NT5DC1: variants seen among roughly 807,000 people sequenced by gnomAD.
NT5DC1 encodes 5'-nucleotidase domain-containing protein 1.
NT5DC1 carries 42 observed loss-of-function variants against 59.4 expected under a neutral mutation model. The observed-to-expected ratio is 0.71, with a 90% CI of 0.55 to 0.92. The LOEUF (loss-of-function observed/expected upper bound fraction) is 0.92, where lower values mean the gene tolerates loss of function less well. NT5DC1 is among the 40% of genes least tolerant of loss of function. The probability of loss-of-function intolerance (pLI) is 0.00; values close to 1 mark genes in which losing one functional copy is unlikely to be tolerated. For missense variants in NT5DC1, 501 were observed against 537.1 expected (o/e 0.93, Z 0.66); for synonymous variants, 172 against 188.1 (o/e 0.91, Z 0.70).
intron 6 of NT5DC1, among the ~76,000 whole-genome samples, chr6:116,124,602 TA>T (rs2114304879): frequency 6.6e-6 from 1 of 152,288 alleles, no homozygotes; most frequent in Admixed American, 6.5e-5. Flanking sequence ...TAGCAACACT[TA>T]AAGCACTTTA....
intron 8 of NT5DC1, among the ~76,000 whole-genome samples, chr6:116,234,964 T>C (rs886500867): frequency 2.6e-4 from 39 of 151,618 alleles, no homozygotes; most frequent in African/African-American, 9.2e-4. Flanking sequence ...CAGCCTCCAG[T>C]ATAGGGGCTG....
At chr6:116,189,183 T>G (rs928409222) in intron 6 of NT5DC1, among the ~76,000 whole-genome samples, 1 of 151,824 alleles carries the variant, frequency 6.6e-6, no homozygotes, top group African/African-American at 2.4e-5. Context: ...TGACCACTCT[T>G]GAGAAATTTA....
intron 8 of NT5DC1, among the ~76,000 whole-genome samples, chr6:116,228,283 C>T (rs1005378472): frequency 6.6e-6 from 1 of 152,114 alleles, no homozygotes; most frequent in Non-Finnish European, 1.5e-5. Context: ...CTGAGGCGGA[C>T]GAATCACCTG....
intron 6 of NT5DC1, among the ~76,000 whole-genome samples, chr6:116,156,388 G>C (rs994134536): frequency 6.6e-6 from 1 of 152,122 alleles, no homozygotes. Context: ...TTAATACTAT[G>C]TAGGCACTTT....
chr6:116,137,055 AT>A (rs1779625701), intron 6 of NT5DC1: 2 of 203,460 alleles, frequency 9.8e-6, no homozygotes. Context: ...CAGTGACTTC[AT>A]TTTAAGTCAC....
At chr6:116,175,341 A>G (rs936915808) in intron 6 of NT5DC1, among the ~76,000 whole-genome samples, 2 of 152,138 alleles carry the variant, frequency 1.3e-5, no homozygotes, top group Non-Finnish European at 2.9e-5. Flanking sequence ...CTCTCTAGCT[A>G]CCTTCATGAT....
In NT5DC1 at chr6:116,187,812, T is replaced by C. The variant is rs75724146; in HGVS notation, c.530-33242T>C. 8.6e-3 allele frequency among the ~76,000 whole-genome samples: 1,311 copies of C among 152,170 alleles called. 16 individuals carry two copies. Among genetic ancestry groups the C allele is most frequent in the African/African-American group, 0.029 (1,204 of 41,540 alleles). On this transcript the variant is annotated intron_variant, in intron 6 of 11. Transcript: ENST00000319550. ...TAGCTTAAAGATAATGAAATATTTC[T>C]TAAATAGGATAGAAACAGTATTGAT... is the stretch of plus-strand genomic sequence containing the variant.
Position 116,221,229 on chromosome 6 carries a change from G to A in NT5DC1, c.704+1G>A, listed in dbSNP as rs1215890344. On this transcript the variant is annotated splice_donor_variant, in intron 7 of 11. Coordinates refer to ENST00000319550, the MANE Select transcript of NT5DC1 (RefSeq NM_152729.3). LOFTEE classifies it high-confidence loss of function. ...GACTTCTCTGCGAATATATTCTTGG[G>A]TGAGTGATGAGTCATTCAGTTTTCA... The A allele has an allele frequency of 1.9e-6, 3 of 1,557,370 alleles. No homozygotes were observed. The highest frequency in any genetic ancestry group is 1.1e-5 in the South Asian group (1 of 88,804).
chr6:116,187,422 A>G (rs1338018040), intron 6 of NT5DC1, among the ~76,000 whole-genome samples: 1 of 152,128 alleles, frequency 6.6e-6, no homozygotes, highest in Non-Finnish European at 1.5e-5. Flanking sequence ...CATGAAGAAC[A>G]GGGCAAGAGG....
At chr6:116,121,638 G>C in intron 6 of NT5DC1, 2 of 1,613,896 alleles carry the variant, frequency 1.2e-6, no homozygotes, top group South Asian at 2.2e-5. Context: ...GGTCCCTGTT[G>C]TCCAGGTTTT....
intron 6 of NT5DC1, among the ~76,000 whole-genome samples, chr6:116,122,682 C>T (rs1391266008): frequency 1.3e-5 from 2 of 152,082 alleles, no homozygotes; most frequent in African/African-American, 2.4e-5. Context: ...GTGAAAAATG[C>T]GGCTGGGCCA....
chr6:116,183,435 G>A (rs1331486986), intron 6 of NT5DC1, among the ~76,000 whole-genome samples: 1 of 151,872 alleles, frequency 6.6e-6, no homozygotes, highest in East Asian at 1.9e-4. Flanking sequence ...TGATGGGAAT[G>A]GCATTGAATC....
chr6:116,220,122 C>CTTTT (rs60827021), intron 6 of NT5DC1, among the ~76,000 whole-genome samples: 1,165 of 98,576 alleles, frequency 0.012, 64 homozygotes, highest in African/African-American at 0.046. Context: ...GCTGTTTAAC[C>CTTTT]TTTTTTTTTT....
chr6:116,155,772 AGAGG>A (rs1406225640), intron 6 of NT5DC1, among the ~76,000 whole-genome samples: 2 of 150,186 alleles, frequency 1.3e-5, no homozygotes, highest in African/African-American at 4.9e-5. Context: ...AAAAAAAAAA[AGAGG>A]GAGGAAGTTG....
chr6:116,150,962 A>G (rs528004310), intron 6 of NT5DC1, among the ~76,000 whole-genome samples: 11 of 152,340 alleles, frequency 7.2e-5, no homozygotes, highest in Admixed American at 2.6e-4. Flanking sequence ...GGCAGATTGT[A>G]TATTTTATGA....
chr6:116,158,043 G>A (rs578014134), intron 6 of NT5DC1, among the ~76,000 whole-genome samples: 2 of 152,108 alleles, frequency 1.3e-5, no homozygotes, highest in African/African-American at 4.8e-5. Context: ...AAAAGAAAAA[G>A]CATCACATAT....
chr6:116,211,679 T>C (rs1242424847), intron 6 of NT5DC1, among the ~76,000 whole-genome samples: 4 of 152,106 alleles, frequency 2.6e-5, no homozygotes, highest in South Asian at 4.1e-4. Flanking sequence ...CTGGACAAAC[T>C]GTGTACAAAT....
intron 6 of NT5DC1, chr6:116,121,149 C>G: frequency 6.2e-7 from 1 of 1,613,282 alleles, no homozygotes; most frequent in Non-Finnish European, 8.5e-7. Context: ...CCTTGTTCCC[C>G]TTTGGCACCT....
rs1347071937 is a variant in NT5DC1, at chr6:116,246,366, C to T, written c.*2342C>T. On this transcript the variant is annotated 3_prime_UTR_variant, in exon 12 of 12. Coordinates refer to ENST00000319550, the MANE Select transcript of NT5DC1 (RefSeq NM_152729.3). The stretch of plus-strand genomic sequence containing the variant: ...TGAGGTAGTAAAAACTTTATCTGAA[C>T]CATGAATTACAATCTAAAATCAACT... 1 of 151,792 alleles carries T rather than the reference C, an allele frequency of 6.6e-6. No homozygotes were observed. The highest frequency in any genetic ancestry group is 2.4e-5 in the African/African-American group (1 of 41,340). The allele number at this position is 151,792 out of a possible 1,614,324, so 9.4% of individuals were successfully genotyped here.
Sources: allele counts gnomAD v4.1 joint callset (sites outside exome capture counted in the v4.1 genomes callset), GRCh38; gene constraint gnomAD v4.1.1; transcripts MANE v1.5; gene names NCBI Gene and HGNC (gene_info 2026-07-23, HGNC 2026-07-21).